UGGT2: variants seen among roughly 807,000 people sequenced by gnomAD.
The protein encoded by UGGT2 is UDP-glucose:glycoprotein glucosyltransferase 2.
Under a neutral mutation model 192.1 loss-of-function variants are expected in UGGT2, and 180 were observed. The ratio of observed to expected loss-of-function variants is 0.94; its 90% CI spans 0.83 to 1.06. The LOEUF (loss-of-function observed/expected upper bound fraction) is 1.06. UGGT2 is among the 50% of genes least tolerant of loss of function. The pLI is 0.00. For missense variants in UGGT2, 1,849 were observed against 1,795.7 expected, an observed-to-expected ratio of 1.03 and a Z score of -0.54; for synonymous variants, 580 against 591.0, an observed-to-expected ratio of 0.98 and a Z score of 0.27.
chr13:95,891,353 C>T (rs1178331541), intron 24 of UGGT2, among the ~76,000 whole-genome samples: 1 of 152,018 alleles, frequency 6.6e-6, no homozygotes, highest in Non-Finnish European at 1.5e-5. Flanking sequence ...ACTATTCATA[C>T]TTTATTAAAT....
rs377631107 is a variant in UGGT2 at position 96,031,842 on chromosome 13, T to C, written c.241+47A>G. Reference sequence around the variant, plus strand: ...AAAAAATAATAAACATTACAATGTGTGTACATAAATACAAATCTTACAAGT... The same window carrying C: ...AAAAAATAATAAACATTACAATGTGCGTACATAAATACAAATCTTACAAGT... On this transcript the variant is annotated intron_variant, in intron 2 of 38. Transcript: ENST00000376747. 9.0e-5 allele frequency: 124 copies of C among 1,378,106 alleles called. 1 individual carries two copies. In the African/African-American group the frequency reaches 1.5e-3, roughly 17 times the overall value. 85.4% of individuals were successfully genotyped at this position (1,378,106 alleles called of 1,614,324 possible).
At chr13:95,838,363 T>C (rs980848048) in intron 36 of UGGT2, among the ~76,000 whole-genome samples, 2 of 152,202 alleles carry the variant, frequency 1.3e-5, no homozygotes, top group Admixed American at 6.5e-5. Context: ...ATAGTCAAGA[T>C]AACAGTTCTT....
rs78838569 is a variant in UGGT2, at chr13:96,004,421, T to C, written c.661-5114A>G. Among the ~76,000 whole-genome samples the C allele has an allele frequency of 8.1e-3, 1,229 of 152,208 alleles. 22 individuals are homozygous for C. Among genetic ancestry groups the C allele is most frequent in the African/African-American group, 0.028 (1,160 of 41,534 alleles). On this transcript the variant is annotated intron_variant, in intron 5 of 38. Transcript: ENST00000376747. Reference sequence around the variant, plus strand: ...TAGAATGATGGTAGTTACCAGAAGATGGAAAAACTAGTGGGGATGTGGGGA... The same window carrying C: ...TAGAATGATGGTAGTTACCAGAAGACGGAAAAACTAGTGGGGATGTGGGGA...
chr13:96,033,912 AG>A (rs2052917074), intron 1 of UGGT2, among the ~76,000 whole-genome samples: 2 of 152,142 alleles, frequency 1.3e-5, no homozygotes, highest in Admixed American at 1.3e-4. Flanking sequence ...GGTGGCAGGG[AG>A]CAGATGGGCA....
intron 12 of UGGT2, among the ~76,000 whole-genome samples, chr13:95,956,906 T>C (rs2050227887): frequency 6.6e-6 from 1 of 152,196 alleles, no homozygotes; most frequent in Admixed American, 6.5e-5. Flanking sequence ...TTATTCACAA[T>C]AGCCAAAAGT....
chr13:95,814,746 A>T (rs979366065), intron 38 of UGGT2, among the ~76,000 whole-genome samples: 1 of 152,204 alleles, frequency 6.6e-6, no homozygotes, highest in African/African-American at 2.4e-5. Context: ...TTAGACAAGC[A>T]TTACTTTGAC....
At chr13:96,028,679 A>G (rs1369377022) in intron 2 of UGGT2, among the ~76,000 whole-genome samples, 3 of 152,248 alleles carry the variant, frequency 2.0e-5, no homozygotes, top group Non-Finnish European at 4.4e-5. Flanking sequence ...CTTGAATTCA[A>G]AAAGTTAAAT....
chr13:95,939,175 T>C (rs940145727), intron 16 of UGGT2, among the ~76,000 whole-genome samples: 1 of 152,206 alleles, frequency 6.6e-6, no homozygotes, highest in Non-Finnish European at 1.5e-5. Context: ...ATCTACACAG[T>C]AGCAACATCA....
intron 1 of UGGT2, among the ~76,000 whole-genome samples, chr13:96,038,775 A>G (rs907040614): frequency 6.6e-6 from 1 of 152,074 alleles, no homozygotes; most frequent in Non-Finnish European, 1.5e-5. Context: ...CCTCCCCTAC[A>G]TAAAATATAT....
rs146278548 is a variant in UGGT2, at chr13:95,988,071, G to T, written c.932-1639C>A. 3.3e-5 allele frequency among the ~76,000 whole-genome samples: 5 copies of T among 151,832 alleles called. No individual in the cohort carries two copies. In the South Asian group the frequency reaches 8.3e-4, roughly 25 times the overall value. On this transcript the variant is annotated intron_variant, in intron 8 of 38. Transcript: ENST00000376747. ...TACTGCTGTGTCAAGCAGCTCTCTCGACACACTCTCCAGGTTTTGGTAACC... is the reference window on the plus strand; with the variant it reads ...TACTGCTGTGTCAAGCAGCTCTCTCTACACACTCTCCAGGTTTTGGTAACC...
At chr13:95,834,801 T>G (rs1338314984) in intron 37 of UGGT2, among the ~76,000 whole-genome samples, 1 of 152,096 alleles carries the variant, frequency 6.6e-6, no homozygotes, top group Admixed American at 6.6e-5. Flanking sequence ...CGTGACCAAC[T>G]CCCACCAAGG....
chr13:96,029,489 T>C (rs1002979564), intron 2 of UGGT2, among the ~76,000 whole-genome samples: 3 of 152,070 alleles, frequency 2.0e-5, no homozygotes, highest in African/African-American at 4.8e-5. Context: ...TCTCACAATG[T>C]TGGCCAGGCT....
intron 20 of UGGT2, among the ~76,000 whole-genome samples, chr13:95,914,080 C>T (rs2048596359): frequency 6.6e-6 from 1 of 151,990 alleles, no homozygotes; most frequent in African/African-American, 2.4e-5. Context: ...GGGAACATCA[C>T]CCACCAGGGC....
intron 1 of UGGT2, among the ~76,000 whole-genome samples, chr13:96,046,678 C>T (rs1214581844): frequency 6.6e-6 from 1 of 152,216 alleles, no homozygotes; most frequent in Admixed American, 6.5e-5. Flanking sequence ...GGCATCGCCT[C>T]ACCCGGAAAG....
At chr13:95,971,659 G>C (rs1450406819) in intron 11 of UGGT2, among the ~76,000 whole-genome samples, 1 of 151,898 alleles carries the variant, frequency 6.6e-6, no homozygotes, top group Non-Finnish European at 1.5e-5. Flanking sequence ...TATAATTTTT[G>C]TTCCCCTGAA....
intron 6 of UGGT2, among the ~76,000 whole-genome samples, chr13:95,996,918 C>T (rs760507517): frequency 1.3e-5 from 2 of 152,082 alleles, no homozygotes; most frequent in African/African-American, 4.8e-5. Flanking sequence ...CCCTTACATA[C>T]CAAATAATTA....
chr13:95,953,415 C>T (rs959351934), intron 12 of UGGT2, among the ~76,000 whole-genome samples: 2 of 152,150 alleles, frequency 1.3e-5, no homozygotes, highest in Admixed American at 6.5e-5. Context: ...AATGCAATAC[C>T]AGGGCACTAG....
At chr13:95,911,414 T>A (rs1195626143) in intron 20 of UGGT2, among the ~76,000 whole-genome samples, 1 of 152,044 alleles carries the variant, frequency 6.6e-6, no homozygotes, top group African/African-American at 2.4e-5. Context: ...TCACCACTGA[T>A]CCCACAGAAA....
At chr13:95,809,461 G>T in intron 38 of UGGT2, 1 of 371,590 alleles carries the variant, frequency 2.7e-6, no homozygotes, top group East Asian at 7.4e-5. Context: ...TTGTTTGCAC[G>T]TTCTGTCTGG....
Sources: gnomAD v4.1 joint callset for allele counts (sites outside exome capture counted in the v4.1 genomes callset) on GRCh38, gnomAD v4.1.1 for gene constraint, MANE v1.5 for transcripts, NCBI Gene and HGNC (gene_info 2026-07-23, HGNC 2026-07-21) for gene names.